The following ABCG8 variants were observed in gnomAD, a reference collection of about 807,000 sequenced individuals.
ABCG8 encodes ATP-binding cassette sub-family G member 8.
A neutral mutation model predicts 71.3 loss-of-function variants in ABCG8; 81 were observed. The observed-to-expected ratio is 1.14, with a 90% confidence interval of 0.95 to 1.37. ABCG8 has a LOEUF of 1.37. Ranked by LOEUF, ABCG8 falls within the 40% of genes most tolerant of loss-of-function variation. The pLI is 0.00. For missense variants in ABCG8, 1,119 were observed against 866.2 expected, an observed-to-expected ratio of 1.29 and a Z score of -3.66; for synonymous variants, 451 against 354.7, an observed-to-expected ratio of 1.27 and a Z score of -3.05.
At position 43,851,571 on chromosome 2, in the gene ABCG8, G is replaced by A; in HGVS notation, c.323-13G>A. ...AAGCTCCGCTCTCAGGGATATCCCTGGTGGCTTTGCAGGTTGTGGGAGAGC... is the reference window on the plus strand; with the variant it reads ...AAGCTCCGCTCTCAGGGATATCCCTAGTGGCTTTGCAGGTTGTGGGAGAGC... On this transcript the variant is annotated splice_polypyrimidine_tract_variant and intron_variant, in intron 3 of 12. Transcript: ENST00000272286. 1 of 1,614,096 alleles carries A rather than the reference G, an allele frequency of 6.2e-7. No individual in the cohort carries two copies. Among genetic ancestry groups the A allele is most frequent in the Non-Finnish European group, 8.5e-7 (1 of 1,179,914 alleles).
chr2:43,876,104 T>C (rs949997145), intron 11 of ABCG8, among the ~76,000 whole-genome samples: 18 of 152,146 alleles, frequency 1.2e-4, no homozygotes, highest in African/African-American at 4.3e-4. Context: ...CCATTGTCTC[T>C]GGTGTGGGGC....
chr2:43,855,968 A>G (rs373214628), intron 6 of ABCG8, among the ~76,000 whole-genome samples: 3 of 149,338 alleles, frequency 2.0e-5, no homozygotes, highest in African/African-American at 7.4e-5. Context: ...AACTCTCACT[A>G]TCTATCTGGA....
rs1278992045 is a variant in ABCG8 at position 43,880,127 on chromosome 2, C to G, written c.*2214C>G. ...CTGCATCCTTTTGATATGTCCTCAT[C>G]ATCCTTTGAGGGCTGAAACAACCAA... On this transcript the variant is annotated 3_prime_UTR_variant, in exon 13 of 13. Transcript: ENST00000272286. The G allele has an allele frequency of 6.6e-6, 1 of 150,530 alleles. No homozygotes were observed. Among genetic ancestry groups the G allele is most frequent in the Non-Finnish European group, 1.5e-5 (1 of 67,780 alleles). The allele number at this position is 150,530 out of a possible 1,614,324, so 9.3% of individuals were successfully genotyped here.
At chr2:43,877,417 G>A in intron 11 of ABCG8, 144 bp from the exon 12 acceptor site, 1 of 1,324,350 alleles carries the variant, frequency 7.6e-7, no homozygotes, top group African/African-American at 1.4e-5. Context: ...ATGGGAGACT[G>A]TGGGAATATG....
At position 43,875,435 on chromosome 2, in the gene ABCG8, T is replaced by C. The variant is rs116374521; in HGVS notation, c.1756+22T>C. On this transcript the variant is annotated intron_variant, in intron 11 of 12. Transcript: ENST00000272286. ...ACAGGTAAGGCCTGCCCCCGGGGCC[T>C]GGGCCAGCTTTGTTAGGACTCATGT... 3.1e-3 allele frequency: 5,023 copies of C among 1,608,586 alleles called. 149 individuals are homozygous for C. In the African/African-American group the frequency reaches 0.062, roughly 20 times the overall value.
In ABCG8 at chr2:43,852,918, G is replaced by A. The variant is rs748443051; in HGVS notation, c.964+50G>A. ...GGGCCCTGGCACACAGGGCCTCCCCGATGCTTAAACCCTGCCCAAGCTTGC... is the reference window on the plus strand; with the variant it reads ...GGGCCCTGGCACACAGGGCCTCCCCAATGCTTAAACCCTGCCCAAGCTTGC... On this transcript the variant is annotated intron_variant, in intron 6 of 12. Transcript: ENST00000272286. 15 of 1,607,560 alleles carry A rather than the reference G, an allele frequency of 9.3e-6. 1 individual carries two copies. The highest frequency in any genetic ancestry group is 1.3e-5 in the African/African-American group (1 of 74,394).
chr2:43,846,990 G>GCACACACACACACACACA (rs368330289), intron 3 of ABCG8: 8 of 110,836 alleles, frequency 7.2e-5, no homozygotes, highest in Admixed American at 5.8e-4. Flanking sequence ...ACGCGCGCGT[G>GCACACACACACACACACA]CACACACACA....
rs1197498902 is a variant in ABCG8, at chr2:43,879,897, C to T, written c.*1984C>T. The T allele has an allele frequency of 7.9e-5, 12 of 152,126 alleles. No homozygotes were observed. Among genetic ancestry groups the T allele is most frequent in the Non-Finnish European group, 1.3e-4 (9 of 68,032 alleles). The allele number at this position is 152,126 out of a possible 1,614,324, so 9.4% of individuals were successfully genotyped here. A position where few individuals can be genotyped will look rare whatever the true frequency, so the allele number is the denominator to read the frequency against. On this transcript the variant is annotated 3_prime_UTR_variant, in exon 13 of 13. Transcript: ENST00000272286. Reference sequence around the variant, plus strand: ...TCTCCACAGCCAAGTTACTATTTTCCCTCCCTTTATAATTAATAAGCATTT... The same window carrying T: ...TCTCCACAGCCAAGTTACTATTTTCTCTCCCTTTATAATTAATAAGCATTT...
chr2:43,872,586 G>T (rs1472494894), intron 8 of ABCG8, among the ~76,000 whole-genome samples: 1 of 152,086 alleles, frequency 6.6e-6, no homozygotes, highest in Non-Finnish European at 1.5e-5. Context: ...AGCCAGTTAT[G>T]GTGGCGTGGG....
At chr2:43,850,950 G>T (rs1340355394) in intron 3 of ABCG8, among the ~76,000 whole-genome samples, 1 of 151,528 alleles carries the variant, frequency 6.6e-6, no homozygotes, top group Non-Finnish European at 1.5e-5. Flanking sequence ...TACCACTGAT[G>T]AAAAGAAGAG....
intron 2 of ABCG8, among the ~76,000 whole-genome samples, chr2:43,845,098 G>GTGTATA (rs1475861294): frequency 2.3e-5 from 3 of 130,136 alleles, no homozygotes; most frequent in African/African-American, 8.3e-5. Flanking sequence ...GTGTGTGTGT[G>GTGTATA]TATATATATA....
chr2:43,848,634 A>C (rs1344402447), intron 3 of ABCG8: 1 of 152,176 alleles, frequency 6.6e-6, no homozygotes, highest in East Asian at 1.9e-4. Flanking sequence ...TTCATCAACT[A>C]CACTTCCTGT....
intron 6 of ABCG8, among the ~76,000 whole-genome samples, chr2:43,865,526 TCTGA>T (rs1361768265): frequency 8.6e-5 from 13 of 152,044 alleles, no homozygotes; most frequent in African/African-American, 1.2e-4. Flanking sequence ...TGGATAGAAC[TCTGA>T]CTATCTATCT....
At chr2:43,846,355 A>T in intron 3 of ABCG8, 44 bp downstream of exon 3, 2 of 1,613,488 alleles carry the variant, frequency 1.2e-6, no homozygotes, top group South Asian at 2.2e-5. Flanking sequence ...CTCTCCTGGG[A>T]TACAGAATGG....
intron 6 of ABCG8, among the ~76,000 whole-genome samples, chr2:43,865,709 A>G (rs950135016): frequency 3.9e-5 from 6 of 152,066 alleles, no homozygotes; most frequent in African/African-American, 1.4e-4. Context: ...ATCTATGTGG[A>G]TAGAACTCTC....
chr2:43,843,193 T>C (rs564096252), intron 1 of ABCG8, among the ~76,000 whole-genome samples: 46 of 152,308 alleles, frequency 3.0e-4, no homozygotes, highest in African/African-American at 1.0e-3. Context: ...ATCTAAGCTT[T>C]TCAACGGCCT....
intron 11 of ABCG8, among the ~76,000 whole-genome samples, chr2:43,875,635 G>A (rs936271884): frequency 3.9e-5 from 6 of 152,112 alleles, no homozygotes; most frequent in Admixed American, 1.3e-4. Context: ...TCCAGAAGTC[G>A]CCCTTGACTG....
chr2:43,865,639 T>TA (rs1669504313), intron 6 of ABCG8, among the ~76,000 whole-genome samples: 1 of 146,372 alleles, frequency 6.8e-6, no homozygotes, highest in Non-Finnish European at 1.5e-5. Flanking sequence ...TTCTCCCTAC[T>TA]GATAGAACTC....
rs974220814 is a variant in ABCG8, at chr2:43,857,423, A to C, written c.964+4555A>C. On this transcript the variant is annotated intron_variant, in intron 6 of 12. Transcript: ENST00000272286. ...TCTGGATAGAATTCTCATTCTCTGG[A>C]TAGAACTCTCACTATCTGGATAGAA... Among the ~76,000 whole-genome samples the C allele has an allele frequency of 2.0e-5, 3 of 151,836 alleles. 1 individual carries two copies. The highest frequency in any genetic ancestry group is 7.2e-5 in the African/African-American group (3 of 41,418).
Sources: allele counts gnomAD v4.1 joint callset (sites outside exome capture counted in the v4.1 genomes callset), GRCh38; gene constraint gnomAD v4.1.1; transcripts MANE v1.5; gene names NCBI Gene and HGNC (gene_info 2026-07-23, HGNC 2026-07-21).